CHIC2: variants seen among roughly 807,000 people sequenced by gnomAD.
The protein encoded by CHIC2 is cysteine rich hydrophobic domain 2.
Under a neutral mutation model 25.9 loss-of-function variants are expected in CHIC2, and 14 were observed. That is an observed-to-expected ratio of 0.54 (90% CI 0.36 to 0.85). The LOEUF is 0.85. CHIC2 is among the 40% of genes least tolerant of loss of function. The pLI is 0.01. For missense variants in CHIC2, 146 were observed against 202.0 expected (o/e 0.72, Z 1.68); for synonymous variants, 70 against 72.0 (o/e 0.97, Z 0.14).
chr4:54,039,688 T>C (rs1278148373), intron 3 of CHIC2, among the ~76,000 whole-genome samples: 1 of 152,170 alleles, frequency 6.6e-6, no homozygotes, highest in African/African-American at 2.4e-5. Context: ...TCACTTACCA[T>C]ATAACCCGGC....
intron 3 of CHIC2, among the ~76,000 whole-genome samples, chr4:54,036,154 A>C (rs1268446833): frequency 2.6e-5 from 4 of 152,200 alleles, no homozygotes; most frequent in Admixed American, 2.6e-4. Context: ...ACTTGAAAAG[A>C]ATGTGTATTT....
At chr4:54,016,355 A>AAAGTTT (rs1715739599) in intron 3 of CHIC2, among the ~76,000 whole-genome samples, 1 of 152,166 alleles carries the variant, frequency 6.6e-6, no homozygotes, top group Non-Finnish European at 1.5e-5. Flanking sequence ...AAACTTAAAA[A>AAAGTTT]TATTTACTTT....
chr4:54,076,199 T>C, the CHIC2 span, among the ~76,000 whole-genome samples: 30,663 of 151,876 alleles, frequency 0.2, 3,234 homozygotes, highest in South Asian at 0.28. Context: ...TCAGGCAGAA[T>C]TGCTTGAGCC....
At chr4:54,072,563 T>C in the CHIC2 span, among the ~76,000 whole-genome samples, 3,112 of 152,286 alleles carry the variant, frequency 0.02, 102 homozygotes, top group African/African-American at 0.071. Context: ...CTATAGTATA[T>C]TGAGCATATA....
At chr4:54,041,819 T>A (rs1347766118) in intron 3 of CHIC2, among the ~76,000 whole-genome samples, 1 of 151,888 alleles carries the variant, frequency 6.6e-6, no homozygotes, top group African/African-American at 2.4e-5. Context: ...ACGTTAAAAA[T>A]CCCTGCTCTA....
chr4:54,014,511 G>A (rs561131313), intron 3 of CHIC2, among the ~76,000 whole-genome samples: 1 of 151,796 alleles, frequency 6.6e-6, no homozygotes, highest in South Asian at 2.1e-4. Context: ...AATGCAAATG[G>A]CCTTTCAGTA....
chr4:54,056,689 T>A (rs1316813207), intron 1 of CHIC2, among the ~76,000 whole-genome samples: 1 of 152,130 alleles, frequency 6.6e-6, no homozygotes, highest in African/African-American at 2.4e-5. Context: ...AACTCTATCC[T>A]AAGTAGATAG....
chr4:54,064,120 C>G lies in CHIC2; in HGVS notation c.119+62G>C. On this transcript the variant is annotated intron_variant, in intron 1 of 5. Coordinates refer to ENST00000263921, the MANE Select transcript of CHIC2 (RefSeq NM_012110.4). The surrounding 1 kb of genome is among the most constrained non-coding windows in gnomAD (Gnocchi z 4.2). ...ACGGACACAGGGGAAACGGGGCTCC[C>G]GTGGAGTAACGGGGCCCACCCCAGC... 1 of 1,431,090 alleles carries G rather than the reference C, an allele frequency of 7.0e-7. No homozygotes were observed. The highest frequency in any genetic ancestry group is 9.6e-7 in the Non-Finnish European group (1 of 1,036,366). 88.6% of individuals were successfully genotyped at this position (1,431,090 alleles called of 1,614,324 possible). A position where few individuals can be genotyped will look rare whatever the true frequency, so the allele number is the denominator to read the frequency against.
rs1716919816 is a variant in CHIC2 at position 54,049,036 on chromosome 4, T to C, written c.249A>G (p.Val83=). Residue 83 remains valine, a synonymous_variant, in exon 3 of 6, where the codon GTA becomes GTG. Transcript: ENST00000263921. ...SCLKKNLPVN[V]RWLLCGCLCC... is the part of the protein sequence containing the mutation. ...AAAGGCAGCCACAAAGTAGCCAACG[T>C]ACATTAACAGGAAGGTTCTTCTTAA... The C allele has an allele frequency of 3.7e-6, 6 of 1,612,236 alleles. No individual in the cohort carries two copies. Among genetic ancestry groups the C allele is most frequent in the Non-Finnish European group, 5.1e-6 (6 of 1,178,968 alleles).
chr4:54,042,965 G>C (rs959587422), intron 3 of CHIC2, among the ~76,000 whole-genome samples: 2 of 152,036 alleles, frequency 1.3e-5, no homozygotes, highest in African/African-American at 4.8e-5. Context: ...TACTCTTATT[G>C]GTTGTCAAAA....
the CHIC2 span, among the ~76,000 whole-genome samples, chr4:54,074,344 CT>C: frequency 6.6e-6 from 1 of 152,130 alleles, no homozygotes; most frequent in Admixed American, 6.6e-5. Context: ...CTTTTGGCCC[CT>C]GAATGCATGC....
At chr4:54,071,867 T>A in the CHIC2 span, among the ~76,000 whole-genome samples, 2 of 152,084 alleles carry the variant, frequency 1.3e-5, no homozygotes, top group Non-Finnish European at 2.9e-5. Context: ...CCAGATCATT[T>A]CATACCATGT....
chr4:54,028,537 A>G (rs1003272997), intron 3 of CHIC2, among the ~76,000 whole-genome samples: 1 of 152,240 alleles, frequency 6.6e-6, no homozygotes, highest in Admixed American at 6.5e-5. Flanking sequence ...CATCACTGGT[A>G]AAGAGTGAGT....
At chr4:54,041,911 T>C (rs1009850477) in intron 3 of CHIC2, among the ~76,000 whole-genome samples, 1 of 151,470 alleles carries the variant, frequency 6.6e-6, no homozygotes, top group African/African-American at 2.4e-5. Context: ...CTAATGTAGA[T>C]GATGGGCTGA....
the CHIC2 span, among the ~76,000 whole-genome samples, chr4:54,074,593 CACAA>C: frequency 7.5e-6 from 1 of 133,542 alleles, no homozygotes; most frequent in Non-Finnish European, 1.6e-5. Flanking sequence ...ACCTACAACA[CACAA>C]ACACACACAC....
At chr4:54,061,761 T>C (rs1232103039) in intron 1 of CHIC2, among the ~76,000 whole-genome samples, 1 of 152,164 alleles carries the variant, frequency 6.6e-6, no homozygotes, top group Non-Finnish European at 1.5e-5. Flanking sequence ...AGTTTTCTAT[T>C]ATTACCTATG....
chr4:54,029,372 T>C (rs1443132700), intron 3 of CHIC2, among the ~76,000 whole-genome samples: 2 of 152,150 alleles, frequency 1.3e-5, no homozygotes, highest in African/African-American at 2.4e-5. Flanking sequence ...TAAAATCATA[T>C]GAAAGACAAG....
At chr4:54,073,025 G>C in the CHIC2 span, among the ~76,000 whole-genome samples, 3 of 151,874 alleles carry the variant, frequency 2.0e-5, no homozygotes, top group African/African-American at 4.8e-5. Flanking sequence ...CCGAGATCGT[G>C]CCACTGCACT....
At chr4:54,014,209 A>G (rs551509548) in intron 3 of CHIC2, 90 bp from the exon 4 acceptor site, 12 of 1,020,606 alleles carry the variant, frequency 1.2e-5, no homozygotes, top group East Asian at 1.0e-4. Flanking sequence ...GGGGAGAGGT[A>G]TAAGACAGTG....
Sources: allele counts gnomAD v4.1 joint callset (sites outside exome capture counted in the v4.1 genomes callset), GRCh38; gene constraint gnomAD v4.1.1; non-coding constraint Gnocchi (gnomAD v3.1); transcripts MANE v1.5; gene names NCBI Gene and HGNC (gene_info 2026-07-23, HGNC 2026-07-21).